GNAL: variants seen among roughly 807,000 people sequenced by gnomAD.
The protein encoded by GNAL is guanine nucleotide-binding protein G(olf) subunit alpha.
Under a neutral mutation model 55.1 loss-of-function variants are expected in GNAL, and 18 were observed. The observed-to-expected ratio is 0.33, with a 90% CI of 0.23 to 0.48. The LOEUF is 0.48. Ranked by LOEUF, GNAL falls within the 20% of genes least tolerant of loss-of-function variation. The probability of loss-of-function intolerance (pLI) is 0.99; values close to 1 mark genes in which losing one functional copy is unlikely to be tolerated. For missense variants in GNAL, 412 were observed against 614.1 expected (o/e 0.67, Z 3.48); for synonymous variants, 253 against 237.0 (o/e 1.07, Z -0.62).
chr18:11,884,797 C>T lies in GNAL; in HGVS notation c.*3662C>T. 1 of 1,374,564 alleles carries T rather than the reference C, an allele frequency of 7.3e-7. No homozygotes were observed. The highest frequency in any genetic ancestry group is 1.5e-5 in the South Asian group (1 of 65,486). The allele number at this position is 1,374,564 out of a possible 1,614,324, so 85.1% of individuals were successfully genotyped here. A position where few individuals can be genotyped will look rare whatever the true frequency, so the allele number is the denominator to read the frequency against. ...GGCCCAGCCTTCTCCCTGCACAGCT[C>T]ACCCCCGACCAGCCCAGGCTCCAGC... is the stretch of plus-strand genomic sequence containing the variant. On this transcript the variant is annotated 3_prime_UTR_variant, in exon 12 of 12. Coordinates refer to ENST00000334049, the MANE Select transcript of GNAL (RefSeq NM_182978.4).
At chr18:11,717,611 TA>T (rs909499150) in intron 1 of GNAL, among the ~76,000 whole-genome samples, 5 of 151,994 alleles carry the variant, frequency 3.3e-5, no homozygotes, top group South Asian at 2.1e-4. Context: ...TATGCAGCCA[TA>T]AAAAAAAGAA....
chr18:11,855,479 G>A (rs2035984871), intron 5 of GNAL, among the ~76,000 whole-genome samples: 2 of 152,204 alleles, frequency 1.3e-5, no homozygotes. Context: ...AGGTAGACTG[G>A]ATTAATTCAC....
chr18:11,709,652 G>T (rs543822925), intron 1 of GNAL, among the ~76,000 whole-genome samples: 59 of 152,102 alleles, frequency 3.9e-4, no homozygotes, highest in African/African-American at 1.3e-3. Flanking sequence ...CATCAATTTT[G>T]TATCCTGCAA....
intron 4 of GNAL, chr18:11,810,576 A>G (rs975804848): frequency 6.6e-6 from 1 of 152,254 alleles, no homozygotes; most frequent in African/African-American, 2.4e-5. Context: ...TCACCTGGAA[A>G]ACTCAGCCCG....
intron 1 of GNAL, among the ~76,000 whole-genome samples, chr18:11,725,627 A>T (rs2032195459): frequency 6.6e-6 from 1 of 152,156 alleles, no homozygotes; most frequent in Admixed American, 6.6e-5. Flanking sequence ...TCATGGTGTG[A>T]TAGTTCATTT....
At chr18:11,872,951 T>C (rs1054044969) in intron 10 of GNAL, among the ~76,000 whole-genome samples, 2 of 152,158 alleles carry the variant, frequency 1.3e-5, no homozygotes, top group African/African-American at 4.8e-5. Context: ...GGCTGCAGCC[T>C]TGGGGATTTC....
At chr18:11,850,909 GTTTGTTTTTAATGTGTTTTAATGTT>G (rs2035841943) in intron 5 of GNAL, among the ~76,000 whole-genome samples, 1 of 152,186 alleles carries the variant, frequency 6.6e-6, no homozygotes, top group African/African-American at 2.4e-5. Context: ...TCAATGACCC[GTTTGTTTTTAATGTGTTTTAATGTT>G]TTTGTTTTTA....
intron 5 of GNAL, among the ~76,000 whole-genome samples, chr18:11,855,870 G>T (rs1221862517): frequency 1.3e-5 from 2 of 151,516 alleles, no homozygotes; most frequent in Admixed American, 1.3e-4. Context: ...TACTTGGGAG[G>T]CTGAGGCAGG....
chr18:11,713,960 C>A (rs574387854), intron 1 of GNAL, among the ~76,000 whole-genome samples: 13 of 152,342 alleles, frequency 8.5e-5, no homozygotes, highest in African/African-American at 2.4e-4. Context: ...CTAACACCTT[C>A]TCTGTCCTTG....
intron 11 of GNAL, 69 bp downstream of exon 11, chr18:11,876,757 A>T: frequency 1.2e-6 from 1 of 855,950 alleles, no homozygotes; most frequent in Non-Finnish European, 2.0e-6. Context: ...CAATATGCAA[A>T]TTACTCCTTG....
chr18:11,843,740 G>A (rs1371122321), intron 5 of GNAL, among the ~76,000 whole-genome samples: 1 of 151,994 alleles, frequency 6.6e-6, no homozygotes, highest in Non-Finnish European at 1.5e-5. Flanking sequence ...TTGGGAGGCC[G>A]AGGTGGGCAG....
chr18:11,737,699 T>C (rs754195344), intron 1 of GNAL, among the ~76,000 whole-genome samples: 4 of 152,190 alleles, frequency 2.6e-5, no homozygotes, highest in Non-Finnish European at 5.9e-5. Context: ...AGAGTAGCCA[T>C]GGGGACTGAA....
intron 1 of GNAL, among the ~76,000 whole-genome samples, chr18:11,717,755 A>G (rs2032007663): frequency 6.6e-6 from 1 of 152,218 alleles, no homozygotes; most frequent in African/African-American, 2.4e-5. Flanking sequence ...GAACACATGG[A>G]CCCATAGAGG....
At chr18:11,811,257 G>A (rs79796387) in intron 4 of GNAL, 6,877 of 152,766 alleles carry the variant, frequency 0.045, 185 homozygotes, top group South Asian at 0.086. Context: ...ACTGCCCCAC[G>A]GCTGTGCTTG....
intron 1 of GNAL, among the ~76,000 whole-genome samples, chr18:11,691,249 A>G (rs1196080366): frequency 6.6e-6 from 1 of 151,652 alleles, no homozygotes; most frequent in African/African-American, 2.4e-5. Flanking sequence ...TTGGCTGCAT[A>G]AATGTCTTCT....
chr18:11,706,501 T>TTAAAC (rs1301265551), intron 1 of GNAL, among the ~76,000 whole-genome samples: 1 of 152,230 alleles, frequency 6.6e-6, no homozygotes, highest in East Asian at 1.9e-4. Context: ...AGCAATGAAG[T>TTAAAC]TGATCACATC....
chr18:11,807,425 C>G (rs1315346257), intron 4 of GNAL, among the ~76,000 whole-genome samples: 1 of 152,036 alleles, frequency 6.6e-6, no homozygotes, highest in Non-Finnish European at 1.5e-5. Context: ...TTTAGCAGTG[C>G]GAGAATCAGA....
chr18:11,731,793 G>A (rs911707476), intron 1 of GNAL, among the ~76,000 whole-genome samples: 9 of 152,148 alleles, frequency 5.9e-5, no homozygotes, highest in African/African-American at 1.7e-4. Flanking sequence ...TCTAATTCCC[G>A]AATGTTTTCA....
intron 1 of GNAL, among the ~76,000 whole-genome samples, chr18:11,714,429 G>C (rs1008270576): frequency 6.6e-6 from 1 of 152,312 alleles, no homozygotes; most frequent in African/African-American, 2.4e-5. Context: ...TTTGCTGAGC[G>C]CTCGCTGAAT....
Sources: gnomAD v4.1 joint callset for allele counts (sites outside exome capture counted in the v4.1 genomes callset) on GRCh38, gnomAD v4.1.1 for gene constraint, MANE v1.5 for transcripts, NCBI Gene and HGNC (gene_info 2026-07-23, HGNC 2026-07-21) for gene names.